Variants in PRKCH observed in about 807,000 individuals in gnomAD.
PRKCH encodes the protein protein kinase C eta type.
In PRKCH, 28 loss-of-function variants were observed where a neutral mutation model predicts 82.5. That is an observed-to-expected ratio of 0.34 (90% CI 0.25 to 0.47). PRKCH has a LOEUF of 0.47. Among genes scored for constraint, PRKCH ranks in the 20% least tolerant of loss-of-function variants. The probability of loss-of-function intolerance (pLI) is 1.00; values close to 1 mark genes in which losing one functional copy is unlikely to be tolerated. For synonymous variants in PRKCH, 322 were observed against 327.4 expected, an observed-to-expected ratio of 0.98 and a Z score of 0.18; for missense variants, 705 against 881.8, an observed-to-expected ratio of 0.80 and a Z score of 2.54.
rs76996739 is a variant in PRKCH, at chr14:61,230,793, G to A, written c.-19+43125G>A. Among the ~76,000 whole-genome samples the A allele has an allele frequency of 5.1e-3, 770 of 152,224 alleles. 25 individuals carry two copies. The East Asian group carries it at 0.089, about 18-fold the overall frequency. On this transcript the variant is annotated intron_variant, in intron 1 of 3. Coordinates refer to the PRKCH transcript ENST00000555185. ...AGGCCCCCTTCTAATTCAGAACTCT[G>A]CCCTCAGGAAGAATTTTGTTGTCCA...
chr14:61,457,106 GTCT>G (rs1884802801), intron 7 of PRKCH, 67 bp from the exon 8 acceptor site: 2 of 1,549,746 alleles, frequency 1.3e-6, no homozygotes, highest in Admixed American at 3.7e-5. Context: ...AGCCAATAAG[GTCT>G]TCTTCGTGCA....
chr14:61,522,430 C>T (rs1312808976), intron 10 of PRKCH, among the ~76,000 whole-genome samples: 1 of 152,202 alleles, frequency 6.6e-6, no homozygotes, highest in African/African-American at 2.4e-5. Context: ...TCCCTGCTCT[C>T]TCCTGTCTCC....
intron 1 of PRKCH, among the ~76,000 whole-genome samples, chr14:61,242,643 C>A (rs1053960404): frequency 3.3e-5 from 5 of 152,152 alleles, no homozygotes; most frequent in Non-Finnish European, 5.9e-5. Context: ...GGTGATCCCC[C>A]CTCCTCGGCC....
At chr14:61,506,046 C>G (rs1353222426) in intron 10 of PRKCH, among the ~76,000 whole-genome samples, 1 of 152,084 alleles carries the variant, frequency 6.6e-6, no homozygotes, top group Non-Finnish European at 1.5e-5. Context: ...CCAAGGTATA[C>G]TTTAGTTCCA....
chr14:61,540,674 T>C (rs1200416191), intron 12 of PRKCH, among the ~76,000 whole-genome samples: 5 of 152,224 alleles, frequency 3.3e-5, no homozygotes. Context: ...AAGCTGTAAC[T>C]TGTATCAAAC....
At chr14:61,488,143 C>T (rs956579869) in intron 10 of PRKCH, among the ~76,000 whole-genome samples, 6 of 121,090 alleles carry the variant, frequency 5.0e-5, no homozygotes, top group Non-Finnish European at 8.6e-5. Context: ...GACAGCGAGA[C>T]TCCGTCTCAA....
At chr14:61,268,179 A>G (rs926314247) in intron 1 of PRKCH, among the ~76,000 whole-genome samples, 1 of 152,180 alleles carries the variant, frequency 6.6e-6, no homozygotes, top group African/African-American at 2.4e-5. Context: ...CCTGGCTGAC[A>G]GTGAGTCTGT....
In PRKCH at chr14:61,201,864, GA is replaced by G. The variant is rs371592923; in HGVS notation, c.-19+14205del. ...TTTGAATTATGTAGATGACTACCAG[GA>G]AAAAAAAACTATAAGCAAGTGAAAA... On this transcript the variant is annotated intron_variant, in intron 1 of 3. Transcript: ENST00000555185. Among the ~76,000 whole-genome samples, 32 of 151,052 alleles carry G rather than the reference GA, an allele frequency of 2.1e-4. No homozygotes were observed. In the South Asian group the frequency reaches 5.7e-3, roughly 27 times the overall value.
chr14:61,200,907 A>T (rs2044476499), intron 1 of PRKCH, among the ~76,000 whole-genome samples: 1 of 152,188 alleles, frequency 6.6e-6, no homozygotes, highest in Non-Finnish European at 1.5e-5. Context: ...GCATCCATTG[A>T]ATGTCATGAA....
chr14:61,426,577 C>A (rs1883120657), intron 2 of PRKCH, among the ~76,000 whole-genome samples: 1 of 152,112 alleles, frequency 6.6e-6, no homozygotes, highest in Non-Finnish European at 1.5e-5. Flanking sequence ...GTAATTTTGC[C>A]TGAGGAAAGT....
chr14:61,204,854 T>A (rs2140041250), intron 1 of PRKCH, among the ~76,000 whole-genome samples: 1 of 152,010 alleles, frequency 6.6e-6, no homozygotes, highest in East Asian at 1.9e-4. Context: ...TAAAAACAAG[T>A]TTAAATGAAT....
At chr14:61,476,046 C>T (rs960596136) in intron 9 of PRKCH, among the ~76,000 whole-genome samples, 15 of 152,174 alleles carry the variant, frequency 9.9e-5, no homozygotes, top group African/African-American at 3.6e-4. Flanking sequence ...GAAAATATAG[C>T]ATCAGCAGAC....
chr14:61,412,257 A>C (rs1229232025), intron 2 of PRKCH, among the ~76,000 whole-genome samples: 1 of 152,246 alleles, frequency 6.6e-6, no homozygotes, highest in Non-Finnish European at 1.5e-5. Flanking sequence ...TTAGCAGATA[A>C]GGACATTAAA....
At chr14:61,241,280 C>T (rs1403438556) in intron 1 of PRKCH, among the ~76,000 whole-genome samples, 5 of 152,160 alleles carry the variant, frequency 3.3e-5, no homozygotes, top group African/African-American at 1.2e-4. Context: ...CTTCCAGGAC[C>T]CTCCACATGT....
intron 1 of PRKCH, among the ~76,000 whole-genome samples, chr14:61,287,165 A>C (rs2045322280): frequency 7.2e-6 from 1 of 138,342 alleles, no homozygotes; most frequent in African/African-American, 2.7e-5. Context: ...AGATCACACC[A>C]CTGCACTTCA....
intron 1 of PRKCH, among the ~76,000 whole-genome samples, chr14:61,358,974 C>T (rs2046187981): frequency 6.6e-6 from 1 of 152,182 alleles, no homozygotes; most frequent in African/African-American, 2.4e-5. Flanking sequence ...AGGTAATCTT[C>T]CATAGAGTCC....
chr14:61,192,617 C>CT (rs2044413718), intron 1 of PRKCH, among the ~76,000 whole-genome samples: 1 of 152,120 alleles, frequency 6.6e-6, no homozygotes, highest in Non-Finnish European at 1.5e-5. Context: ...GGGTAGTGCC[C>CT]TTGGTAGGGT....
At chr14:61,326,390 G>T (rs919973770) in intron 1 of PRKCH, among the ~76,000 whole-genome samples, 1 of 152,250 alleles carries the variant, frequency 6.6e-6, no homozygotes, top group African/African-American at 2.4e-5. Context: ...GGAGTCTATA[G>T]TGACAGGAAG....
chr14:61,548,052 T>A (rs1253305211), intron 13 of PRKCH, among the ~76,000 whole-genome samples, 166 bp downstream of exon 13: 1 of 152,224 alleles, frequency 6.6e-6, no homozygotes, highest in Non-Finnish European at 1.5e-5. Flanking sequence ...TCCTTGTCCA[T>A]GGGACAACAA....
Sources: gnomAD v4.1 joint callset for allele counts (sites outside exome capture counted in the v4.1 genomes callset) on GRCh38, gnomAD v4.1.1 for gene constraint, MANE v1.5 for transcripts, NCBI Gene and HGNC (gene_info 2026-07-23, HGNC 2026-07-21) for gene names.